The following EP300 variants were observed in gnomAD, a reference collection of about 807,000 sequenced individuals.
EP300 encodes the protein histone acetyltransferase p300.
A neutral mutation model predicts 264.0 loss-of-function variants in EP300; 31 were observed. That is an observed-to-expected ratio of 0.12 (90% confidence interval 0.09 to 0.16). EP300 has a LOEUF of 0.16. Ranked by LOEUF, EP300 falls within the 10% of genes least tolerant of loss-of-function variation. EP300 has a pLI of 1.00. For synonymous variants in EP300, 1,340 were observed against 1,045.4 expected, an observed-to-expected ratio of 1.28 and a Z score of -5.44; for missense variants, 2,766 against 3,052.9, an observed-to-expected ratio of 0.91 and a Z score of 2.21.
Position 41,178,975 on chromosome 22 carries a change from T to C in EP300, c.*19T>C. On this transcript the variant is annotated 3_prime_UTR_variant, in exon 31 of 31. Transcript: ENST00000263253. ...ACACTAGAGACACCTTGTAGTATTT[T>C]GGGAGCAAAAAAATTATTTTCTCTT... 2 of 1,592,646 alleles carry C rather than the reference T, an allele frequency of 1.3e-6. No individual in the cohort carries two copies. The highest frequency in any genetic ancestry group is 8.6e-7 in the Non-Finnish European group (1 of 1,166,852).
chr22:41,118,045 T>TTC (rs574330879), intron 2 of EP300, among the ~76,000 whole-genome samples: 32 of 152,226 alleles, frequency 2.1e-4, no homozygotes, highest in Admixed American at 1.8e-3. Context: ...CTAATGCTGG[T>TTC]TCTCTCTGGC....
In EP300 at chr22:41,135,851, C is replaced by A. The variant is rs1389348879; in HGVS notation, c.1567C>A (p.Gln523Lys). 1 of 1,614,066 alleles carries A rather than the reference C, an allele frequency of 6.2e-7. No individual in the cohort carries two copies. Among genetic ancestry groups the A allele is most frequent in the Non-Finnish European group, 8.5e-7 (1 of 1,179,988 alleles). Reference protein sequence around the residue: ...PMGVNGGVGVQTPSLLSDSML... With the variant: ...PMGVNGGVGVKTPSLLSDSML... ...GGGAGTAAATGGAGGTGTAGGAGTTCAAACGCCGAGTCTTCTTTCTGACTC... is the reference window on the plus strand; with the variant it reads ...GGGAGTAAATGGAGGTGTAGGAGTTAAAACGCCGAGTCTTCTTTCTGACTC... Residue 523 changes from glutamine (Q) to lysine (K), a missense_variant, in exon 7 of 31, where the codon CAA (glutamine) becomes AAA (lysine). By Grantham distance (53) the Gln-to-Lys change is moderately conservative. Coordinates refer to ENST00000263253, the MANE Select transcript of EP300 (RefSeq NM_001429.4).
intron 1 of EP300, among the ~76,000 whole-genome samples, chr22:41,099,582 C>G (rs1278295641): frequency 1.3e-5 from 2 of 151,978 alleles, no homozygotes; most frequent in Non-Finnish European, 2.9e-5. Flanking sequence ...GAATTTTTTT[C>G]CTTCACAATT....
chr22:41,169,521 C>A lies in EP300; in HGVS notation c.4191C>A (p.Tyr1397Ter). ...PPNQRRVYISYLDSVHFFRPK... is the reference protein window; with the variant it reads ...PPNQRRVYIS ...TGTATAGGAGAGTATACATATCTTA[C>A]CTCGATAGTGTTCATTTCTTCCGTC... Residue 1397 changes from tyrosine (Y) to a stop codon, truncating the protein, a stop_gained, in exon 26 of 31, where the codon TAC becomes TAA. Coordinates refer to ENST00000263253, the MANE Select transcript of EP300 (RefSeq NM_001429.4). LOFTEE classifies it high-confidence loss of function. The A allele has an allele frequency of 6.2e-7, 1 of 1,607,082 alleles. No individual in the cohort carries two copies. Among genetic ancestry groups the A allele is most frequent in the Non-Finnish European group, 8.5e-7 (1 of 1,175,854 alleles).
At chr22:41,094,684 C>CAA (rs1454122507) in intron 1 of EP300, among the ~76,000 whole-genome samples, 1 of 152,148 alleles carries the variant, frequency 6.6e-6, no homozygotes. Context: ...GAGACTTAAT[C>CAA]ACCTGTAGAT....
chr22:41,167,598 ATATATATATATATATAT>A lies in EP300; in HGVS notation c.3875-850_3875-834del, dbSNP rs1569115703. ...TGTGTGTGTGTGTATATATATATAT[ATATATATATATATATAT>A]ATATATATATATATATATATAATGT... is the stretch of plus-strand genomic sequence containing the variant. On this transcript the variant is annotated intron_variant, in intron 23 of 30. Transcript: ENST00000263253. Among the ~76,000 whole-genome samples, 14 of 15,704 alleles carry A rather than the reference ATATATATATATATATAT, an allele frequency of 8.9e-4. 1 individual carries two copies. The highest frequency in any genetic ancestry group is 1.9e-3 in the African/African-American group (13 of 6,760). 10.3% of individuals were successfully genotyped at this position (15,704 alleles called of 152,430 possible). A position where few individuals can be genotyped will look rare whatever the true frequency, so the allele number is the denominator to read the frequency against.
At chr22:41,148,959 G>A (rs2145735479) in intron 12 of EP300, 79 bp from the exon 13 acceptor site, 6 of 1,598,208 alleles carry the variant, frequency 3.8e-6, no homozygotes, top group Non-Finnish European at 5.1e-6. Context: ...CCTGACGTTA[G>A]GAGCATTTGA....
At chr22:41,114,034 G>A (rs550678464) in intron 1 of EP300, among the ~76,000 whole-genome samples, 2 of 152,256 alleles carry the variant, frequency 1.3e-5, no homozygotes, top group South Asian at 2.1e-4. Context: ...CAGGGGAAAA[G>A]TAAAAATTGC....
chr22:41,116,651 C>G (rs1328132400), intron 1 of EP300, among the ~76,000 whole-genome samples: 1 of 152,048 alleles, frequency 6.6e-6, no homozygotes. Context: ...TTTCCTTGGT[C>G]TTATTTTAGG....
chr22:41,137,356 CA>C lies in EP300; in HGVS notation c.1623-277del, dbSNP rs35403189. Among the ~76,000 whole-genome samples the C allele has an allele frequency of 1.8e-3, 163 of 92,896 alleles. 1 individual carries two copies. Among genetic ancestry groups the C allele is most frequent in the Middle Eastern group, 6.6e-3 (1 of 152 alleles). The allele number at this position is 92,896 out of a possible 152,430, so 60.9% of individuals were successfully genotyped here. ...TGGGCAACAGAGCAAGACTTTGTCT[CA>C]AAAAAAAAAAAAAAAAAAAGGCATT... is the stretch of plus-strand genomic sequence containing the variant. On this transcript the variant is annotated intron_variant, in intron 7 of 30. Coordinates refer to ENST00000263253, the MANE Select transcript of EP300 (RefSeq NM_001429.4).
chr22:41,168,667 G>A (rs2145763135), intron 24 of EP300, 54 bp from the exon 25 acceptor site: 2 of 1,614,202 alleles, frequency 1.2e-6, no homozygotes, highest in Non-Finnish European at 1.7e-6. Context: ...TACTATTGGT[G>A]ATTCCAGTCT....
intron 20 of EP300, among the ~76,000 whole-genome samples, chr22:41,161,581 C>A (rs1407135938): frequency 6.6e-6 from 1 of 152,066 alleles, no homozygotes. Context: ...TGGGCCACTG[C>A]ATTCCAGCCT....
chr22:41,113,941 C>T (rs2058807789), intron 1 of EP300, among the ~76,000 whole-genome samples: 1 of 151,958 alleles, frequency 6.6e-6, no homozygotes, highest in African/African-American at 2.4e-5. Context: ...TTTATCACTG[C>T]CTGTTTTTAA....
intron 22 of EP300, among the ~76,000 whole-genome samples, chr22:41,165,560 A>G (rs2059129543): frequency 1.3e-5 from 2 of 150,288 alleles, no homozygotes; most frequent in Admixed American, 1.3e-4. Context: ...AGTAGCTGGG[A>G]TTATAGGTGT....
chr22:41,143,175 C>T (rs1009463322), intron 10 of EP300, among the ~76,000 whole-genome samples: 1 of 152,126 alleles, frequency 6.6e-6, no homozygotes, highest in South Asian at 2.1e-4. Flanking sequence ...AGTGGTCGGG[C>T]ATGGTGGTGG....
At chr22:41,175,615 A>G (rs1196040253) in intron 29 of EP300, among the ~76,000 whole-genome samples, 1 of 152,196 alleles carries the variant, frequency 6.6e-6, no homozygotes, top group South Asian at 2.1e-4. Flanking sequence ...GGGGACCTTC[A>G]TGAGTCCAGG....
At chr22:41,149,276 CAG>C (rs758795746) in intron 13 of EP300, 101 bp downstream of exon 13, 96 of 1,384,506 alleles carry the variant, frequency 6.9e-5, no homozygotes, top group Non-Finnish European at 8.7e-5. Flanking sequence ...TGGGTGAAAA[CAG>C]ATGATTTTTT....
Position 41,127,702 on chromosome 22 carries a change from T to C in EP300, c.1122T>C (p.Asn374=). The change falls in exon 4 of 31, where the codon AAT becomes AAC. Residue 374 remains asparagine, a synonymous_variant. Transcript: ENST00000263253. Reference sequence around the variant, plus strand: ...TTCCCCACTGTCGCACAATGAAGAATGTCCTAAACCACATGACACACTGCC... The same window carrying C: ...TTCCCCACTGTCGCACAATGAAGAACGTCCTAAACCACATGACACACTGCC... ...CNLPHCRTMK[N]VLNHMTHCQS... The C allele has an allele frequency of 6.2e-7, 1 of 1,614,240 alleles. No individual in the cohort carries two copies. The highest frequency in any genetic ancestry group is 8.5e-7 in the Non-Finnish European group (1 of 1,180,048).
chr22:41,153,645 G>T (rs927645213), intron 16 of EP300, among the ~76,000 whole-genome samples: 2 of 152,186 alleles, frequency 1.3e-5, no homozygotes, highest in Non-Finnish European at 2.9e-5. Context: ...ATCTACTTGG[G>T]AGGCTGAGGC....
Sources: allele counts gnomAD v4.1 joint callset (sites outside exome capture counted in the v4.1 genomes callset), GRCh38; gene constraint gnomAD v4.1.1; transcripts MANE v1.5; gene names NCBI Gene and HGNC (gene_info 2026-07-23, HGNC 2026-07-21).